MATN2: variants seen among roughly 807,000 people sequenced by gnomAD.
MATN2 encodes matrilin 2, also known as matrilin-2.
In MATN2, 69 loss-of-function variants were observed where a neutral mutation model predicts 103.2. That is an observed-to-expected ratio of 0.67 (90% confidence interval 0.55 to 0.82). The LOEUF is 0.82. MATN2 is among the 40% of genes least tolerant of loss of function. The probability of loss-of-function intolerance (pLI) is 0.00; values close to 1 mark genes in which losing one functional copy is unlikely to be tolerated. For missense variants in MATN2, 1,023 were observed against 1,211.5 expected (o/e 0.84, Z 2.31); for synonymous variants, 429 against 450.2 (o/e 0.95, Z 0.60).
At chr8:97,942,030 TAA>T in intron 4 of MATN2, 131 bp downstream of exon 4, 1 of 1,178,296 alleles carries the variant, frequency 8.5e-7, no homozygotes, top group South Asian at 1.4e-5. Flanking sequence ...GGGACAGAAA[TAA>T]AGTTTGGTAT....
intron 12 of MATN2, among the ~76,000 whole-genome samples, chr8:98,019,827 G>A (rs781478176): frequency 5.9e-5 from 9 of 152,220 alleles, no homozygotes; most frequent in Non-Finnish European, 1.2e-4. Flanking sequence ...AATAAGTTCA[G>A]TTGCTTTGAG....
intron 4 of MATN2, among the ~76,000 whole-genome samples, chr8:97,958,178 A>G (rs1811197033): frequency 6.6e-6 from 1 of 152,226 alleles, no homozygotes; most frequent in African/African-American, 2.4e-5. Context: ...AAAATTTGAA[A>G]TCAGACAATT....
chr8:98,013,765 G>GT (rs1288230797), intron 10 of MATN2, among the ~76,000 whole-genome samples: 3 of 152,202 alleles, frequency 2.0e-5, no homozygotes, highest in African/African-American at 7.2e-5. Context: ...TTCTGGATGT[G>GT]TAACTTTCAG....
At chr8:97,876,276 G>A (rs1438542321) in intron 1 of MATN2, among the ~76,000 whole-genome samples, 1 of 141,456 alleles carries the variant, frequency 7.1e-6, no homozygotes, top group Non-Finnish European at 1.5e-5. Context: ...TGCAACCTCC[G>A]CCTCCCAGGT....
chr8:97,950,056 G>A (rs944614517), intron 4 of MATN2, among the ~76,000 whole-genome samples: 4 of 152,140 alleles, frequency 2.6e-5, no homozygotes, highest in African/African-American at 9.7e-5. Context: ...GGAAACTTGG[G>A]GGGGTGATGA....
At chr8:97,887,878 C>T (rs563153267) in intron 1 of MATN2, 197 bp from the exon 2 acceptor site, 12 of 492,104 alleles carry the variant, frequency 2.4e-5, no homozygotes, top group African/African-American at 2.0e-4. Context: ...ACTATGCATG[C>T]CCTGCTCGGA....
At chr8:97,998,077 C>T (rs1301414651) in intron 7 of MATN2, among the ~76,000 whole-genome samples, 2 of 151,274 alleles carry the variant, frequency 1.3e-5, no homozygotes, top group East Asian at 4.0e-4. Context: ...TCCTCAGTCT[C>T]CCAAAGTGCT....
chr8:98,021,015 G>C, intron 12 of MATN2, 190 bp from the exon 13 acceptor site: 1 of 501,264 alleles, frequency 2.0e-6, no homozygotes, highest in Non-Finnish European at 3.6e-6. Context: ...ACTCATGGGA[G>C]CTAGAGCTTT....
At chr8:98,029,452 G>A (rs1165849346) in intron 14 of MATN2, among the ~76,000 whole-genome samples, 1 of 152,200 alleles carries the variant, frequency 6.6e-6, no homozygotes, top group Non-Finnish European at 1.5e-5. Flanking sequence ...AAGACAGGTG[G>A]TAGCAGAAAC....
At chr8:98,008,696 G>A (rs1298749834) in intron 10 of MATN2, among the ~76,000 whole-genome samples, 1 of 152,178 alleles carries the variant, frequency 6.6e-6, no homozygotes, top group Non-Finnish European at 1.5e-5. Context: ...CACAGGGGGT[G>A]CAGAAAGAGG....
Position 98,021,325 on chromosome 8 carries a change from A to G in MATN2, c.1940A>G (p.Lys647Arg). The change falls in exon 13 of 19, where the codon AAG becomes AGG. Residue 647 changes from lysine (K) to arginine (R), a missense_variant and splice_region_variant. Coordinates refer to ENST00000254898, the MANE Select transcript of MATN2 (RefSeq NM_002380.5). Reference sequence around the variant, plus strand: ...CTAGCTGAGGACGGAAGACGGTGCAAGAGTAAGTGATCTGAACTTGGCTCT... The same window carrying G: ...CTAGCTGAGGACGGAAGACGGTGCAGGAGTAAGTGATCTGAACTTGGCTCT... ...FVLAEDGRRCKKCTEGPIDLV... is the reference protein window; with the variant it reads ...FVLAEDGRRCRKCTEGPIDLV... 6.2e-7 allele frequency: 1 copy of G among 1,612,838 alleles called. No individual in the cohort carries two copies. The highest frequency in any genetic ancestry group is 1.1e-5 in the South Asian group (1 of 90,932).
chr8:97,912,935 G>A (rs553383577), intron 2 of MATN2, among the ~76,000 whole-genome samples: 3 of 152,268 alleles, frequency 2.0e-5, no homozygotes, highest in South Asian at 2.1e-4. Context: ...CGGGGAATTC[G>A]GTTATATAGT....
At chr8:97,945,717 A>AAAAATATATATATATATAT (rs59472539) in intron 4 of MATN2, among the ~76,000 whole-genome samples, 4 of 121,826 alleles carry the variant, frequency 3.3e-5, no homozygotes, top group African/African-American at 9.3e-5. Context: ...AAAAAAAAAA[A>AAAAATATATATATATATAT]ATATATATAT....
chr8:98,018,265 T>A, intron 12 of MATN2, 149 bp downstream of exon 12: 1 of 1,025,768 alleles, frequency 9.7e-7, no homozygotes, highest in South Asian at 1.5e-5. Flanking sequence ...TAGCTAGAGA[T>A]CAGTTCAGTA....
chr8:98,035,630 C>T, intron 18 of MATN2, 27 bp from the exon 19 acceptor site: 2 of 1,411,120 alleles, frequency 1.4e-6, no homozygotes, highest in Non-Finnish European at 2.0e-6. Flanking sequence ...ATAGACAATT[C>T]TTCATCTTCC....
chr8:98,014,714 C>T (rs886847398), intron 10 of MATN2, among the ~76,000 whole-genome samples: 3 of 152,258 alleles, frequency 2.0e-5, no homozygotes, highest in Admixed American at 6.5e-5. Flanking sequence ...TCAGCCTTCC[C>T]AACCCTTAGT....
intron 1 of MATN2, among the ~76,000 whole-genome samples, chr8:97,872,202 T>A (rs1817919398): frequency 6.6e-6 from 1 of 152,220 alleles, no homozygotes; most frequent in Admixed American, 6.5e-5. Flanking sequence ...TAATGTGAAT[T>A]TATCCAACAG....
At chr8:97,908,194 T>A (rs1422010764) in intron 2 of MATN2, among the ~76,000 whole-genome samples, 1 of 151,948 alleles carries the variant, frequency 6.6e-6, no homozygotes, top group Admixed American at 6.6e-5. Context: ...GAGGTGGAGG[T>A]TGCAGTGAGC....
chr8:97,890,251 G>C (rs1818582356), intron 2 of MATN2, among the ~76,000 whole-genome samples: 1 of 152,142 alleles, frequency 6.6e-6, no homozygotes, highest in South Asian at 2.1e-4. Flanking sequence ...CGGATCACAA[G>C]GTCAGGAGTT....
Sources: gnomAD v4.1 joint callset for allele counts (sites outside exome capture counted in the v4.1 genomes callset) on GRCh38, gnomAD v4.1.1 for gene constraint, MANE v1.5 for transcripts, NCBI Gene and HGNC (gene_info 2026-07-23, HGNC 2026-07-21) for gene names.